FCAR: variants seen among roughly 807,000 people sequenced by gnomAD.
The protein encoded by FCAR is immunoglobulin alpha Fc receptor.
Under a neutral mutation model 27.1 loss-of-function variants are expected in FCAR, and 21 were observed. The observed-to-expected ratio is 0.77, with a 90% CI of 0.55 to 1.11. The LOEUF is 1.11. Ranked by LOEUF, FCAR falls within the 50% of genes most tolerant of loss-of-function variation. The pLI is 0.00. For synonymous variants in FCAR, 134 were observed against 135.8 expected (o/e 0.99, Z 0.09); for missense variants, 404 against 358.4 (o/e 1.13, Z -1.03).
chr19:54,882,525 ACCTCC>A (rs2066483988), intron 2 of FCAR, among the ~76,000 whole-genome samples: 1 of 146,774 alleles, frequency 6.8e-6, no homozygotes, highest in African/African-American at 2.6e-5. Context: ...TGCAACCTTC[ACCTCC>A]CGGGTTCAAG....
Position 54,889,831 on chromosome 19 carries a change from A to AC in FCAR, c.834dup (p.Phe279LeufsTer15). On this transcript the variant is annotated frameshift_variant, in exon 5 of 5. Transcript: ENST00000355524. LOFTEE classifies it high-confidence loss of function. ...CCAACAGATGTGTCAGCCAGGATTG[A>AC]CCTTTGCACGAACACCAAGTGTCTG... 1.9e-6 allele frequency: 3 copies of AC among 1,607,530 alleles called. No homozygotes were observed. Among genetic ancestry groups the AC allele is most frequent in the Non-Finnish European group, 2.5e-6 (3 of 1,179,942 alleles).
chr19:54,875,416 C>T (rs1215074941), intron 2 of FCAR, 51 bp downstream of exon 2: 2 of 1,500,940 alleles, frequency 1.3e-6, no homozygotes, highest in Non-Finnish European at 1.8e-6. Context: ...CTTGGGAGCT[C>T]TAGGATAAAG....
At chr19:54,874,545 A>C (rs2065986685) in intron 1 of FCAR, among the ~76,000 whole-genome samples, 1 of 152,142 alleles carries the variant, frequency 6.6e-6, no homozygotes, top group African/African-American at 2.4e-5. Context: ...TTAAACCTAT[A>C]GTGTGTTATC....
At chr19:54,883,938 C>G (rs28756208) in intron 2 of FCAR, among the ~76,000 whole-genome samples, 15,759 of 152,132 alleles carry the variant, frequency 0.1, 837 homozygotes, top group African/African-American at 0.12. Flanking sequence ...GCCTGGGCAA[C>G]AGAGTGAGAC....
intron 2 of FCAR, among the ~76,000 whole-genome samples, chr19:54,876,672 C>A (rs587711208): frequency 4.6e-4 from 70 of 152,254 alleles, no homozygotes; most frequent in African/African-American, 1.5e-3. Context: ...GTAATCCCAG[C>A]ACTTTGGGAA....
chr19:54,875,461 T>G, intron 2 of FCAR, 96 bp downstream of exon 2: 1 of 1,027,380 alleles, frequency 9.7e-7, no homozygotes. Context: ...CATTCTTATT[T>G]TAATCCCCAT....
chr19:54,888,841 T>C, intron 4 of FCAR: 1 of 989,618 alleles, frequency 1.0e-6, no homozygotes, highest in Non-Finnish European at 1.2e-6. Flanking sequence ...TCCACCTTGT[T>C]CTGGTGTTGT....
chr19:54,881,744 C>T (rs1420658087), intron 2 of FCAR, among the ~76,000 whole-genome samples: 1 of 152,034 alleles, frequency 6.6e-6, no homozygotes, highest in African/African-American at 2.4e-5. Flanking sequence ...TGGTGGCGGG[C>T]GCCTGTAGTC....
chr19:54,877,786 T>C (rs1241361181), intron 2 of FCAR, among the ~76,000 whole-genome samples: 2 of 152,210 alleles, frequency 1.3e-5, no homozygotes, highest in Admixed American at 6.5e-5. Context: ...GATTCTGCTA[T>C]ATTTACCCAA....
intron 4 of FCAR, 69 bp downstream of exon 4, chr19:54,888,363 T>G: frequency 6.3e-7 from 1 of 1,577,482 alleles, no homozygotes; most frequent in Non-Finnish European, 8.6e-7. Context: ...GGCAGGAATA[T>G]GAAGACGTGC....
In FCAR at chr19:54,875,360, A is replaced by G; in HGVS notation, c.65A>G (p.Gln22Arg). ...VLCLGQRIQA[Q>R]EGDFPMPFIS... Reference sequence around the variant, plus strand: ...TGTCTGGGCCAGAGGATTCAGGCACAGGAAGGTAAGTGTCCTGTAAATCTC... The same window carrying G: ...TGTCTGGGCCAGAGGATTCAGGCACGGGAAGGTAAGTGTCCTGTAAATCTC... The change falls in exon 2 of 5, where the codon CAG becomes CGG. Residue 22 changes from glutamine to arginine, a missense_variant. Physicochemically the swap from Gln to Arg is conservative, Grantham distance 43. Coordinates refer to ENST00000355524, the MANE Select transcript of FCAR (RefSeq NM_002000.4). 6.2e-7 allele frequency: 1 copy of G among 1,613,662 alleles called. No individual in the cohort carries two copies. Among genetic ancestry groups the G allele is most frequent in the Non-Finnish European group, 8.5e-7 (1 of 1,179,696 alleles).
intron 2 of FCAR, among the ~76,000 whole-genome samples, chr19:54,880,238 T>C (rs975457542): frequency 3.5e-5 from 5 of 144,686 alleles, no homozygotes; most frequent in African/African-American, 1.3e-4. Flanking sequence ...TTCTTAGAGG[T>C]TTTGTTCATT....
rs587704234 is a variant in FCAR at position 54,880,225 on chromosome 19, T to C, written c.70+4860T>C. On this transcript the variant is annotated intron_variant, in intron 2 of 4. Transcript: ENST00000355524. ...TATTTGGTCTCTTTTCATGATCCCA[T>C]ATTTCTTAGAGGTTTTGTTCATTAA... is the stretch of plus-strand genomic sequence containing the variant. 3.3e-5 allele frequency among the ~76,000 whole-genome samples: 5 copies of C among 151,720 alleles called. No homozygotes were observed. The South Asian group carries it at 1.0e-3, about 32-fold the overall frequency.
intron 2 of FCAR, among the ~76,000 whole-genome samples, chr19:54,883,825 C>T (rs938524162): frequency 5.3e-5 from 8 of 152,038 alleles, no homozygotes; most frequent in Admixed American, 1.3e-4. Flanking sequence ...GGCGTGGTGG[C>T]GGGCGCCTGT....
At chr19:54,877,916 A>ATTTTT (rs757104692) in intron 2 of FCAR, among the ~76,000 whole-genome samples, 21 of 143,462 alleles carry the variant, frequency 1.5e-4, no homozygotes, top group Admixed American at 2.9e-4. Context: ...TTTGCTAAGG[A>ATTTTT]TTGTTTTTTT....
intron 2 of FCAR, among the ~76,000 whole-genome samples, chr19:54,884,834 T>A (rs2066612569): frequency 6.6e-6 from 1 of 152,058 alleles, no homozygotes; most frequent in South Asian, 2.1e-4. Flanking sequence ...TGAGACGAAG[T>A]CTCACTCTGT....
chr19:54,879,157 G>T (rs587743385), intron 2 of FCAR, among the ~76,000 whole-genome samples: 113 of 152,164 alleles, frequency 7.4e-4, no homozygotes, highest in Non-Finnish European at 1.0e-3. Flanking sequence ...GGTTACAGGC[G>T]TGAGCCACTG....
At chr19:54,879,938 G>A (rs372030726) in intron 2 of FCAR, among the ~76,000 whole-genome samples, 6 of 152,146 alleles carry the variant, frequency 3.9e-5, no homozygotes, top group East Asian at 1.9e-4. Flanking sequence ...GCCCGCCTTG[G>A]TCTCCCAAAG....
chr19:54,880,780 T>C (rs1452063652), intron 2 of FCAR: 2 of 152,236 alleles, frequency 1.3e-5, no homozygotes, highest in Admixed American at 6.5e-5. Flanking sequence ...TTCAGAGGGC[T>C]GGGGCTTCGC....
Sources: gnomAD v4.1 joint callset for allele counts (sites outside exome capture counted in the v4.1 genomes callset) on GRCh38, gnomAD v4.1.1 for gene constraint, MANE v1.5 for transcripts, NCBI Gene and HGNC (gene_info 2026-07-23, HGNC 2026-07-21) for gene names.